The following DAP3 variants were observed in gnomAD, a reference collection of about 807,000 sequenced individuals.
DAP3 encodes the protein small ribosomal subunit protein mS29.
A neutral mutation model predicts 51.9 loss-of-function variants in DAP3; 28 were observed. The ratio of observed to expected loss-of-function variants is 0.54; its 90% CI spans 0.40 to 0.74. DAP3 has a LOEUF of 0.74. Among genes scored for constraint, DAP3 ranks in the 30% least tolerant of loss-of-function variants. The pLI is 0.00. For missense variants in DAP3, 458 were observed against 483.5 expected (o/e 0.95, Z 0.49); for synonymous variants, 170 against 170.3 (o/e 1.00, Z 0.01).
chr1:155,690,740 C>CT (rs1015807318), intron 1 of DAP3, among the ~76,000 whole-genome samples: 2 of 141,324 alleles, frequency 1.4e-5, no homozygotes, highest in Admixed American at 6.6e-5. Flanking sequence ...TAAATTTACA[C>CT]TTTTTTTTGT....
upstream of DAP3, chr1:155,688,164 C>T (rs1558322489): frequency 1.9e-6 from 3 of 1,613,994 alleles, no homozygotes; most frequent in African/African-American, 1.3e-5. Flanking sequence ...ACCGCGGATC[C>T]CTCCCGCTTG....
At chr1:155,737,989 A>G (rs1659980286) in intron 12 of DAP3, among the ~76,000 whole-genome samples, 168 bp from the exon 13 acceptor site, 2 of 152,202 alleles carry the variant, frequency 1.3e-5, no homozygotes, top group African/African-American at 4.8e-5. Flanking sequence ...AATGCATACA[A>G]AAGAAGAGTA....
chr1:155,727,024 T>C (rs912853193), intron 6 of DAP3: 3 of 148,776 alleles, frequency 2.0e-5, no homozygotes, highest in African/African-American at 7.9e-5. Context: ...CCATGGAGTT[T>C]TGTTTTGTTT....
chr1:155,696,207 T>C (rs150031359), intron 1 of DAP3, among the ~76,000 whole-genome samples: 162 of 152,260 alleles, frequency 1.1e-3, no homozygotes, highest in African/African-American at 3.1e-3. Flanking sequence ...ATAACCCTCA[T>C]TGAGGAGTGT....
intron 3 of DAP3, among the ~76,000 whole-genome samples, chr1:155,717,787 C>T (rs1168175516): frequency 6.6e-6 from 1 of 152,106 alleles, no homozygotes; most frequent in Non-Finnish European, 1.5e-5. Flanking sequence ...AGGGAACTAA[C>T]TTGGTTTGTT....
At chr1:155,707,962 G>GT (rs1353668628) in intron 1 of DAP3, among the ~76,000 whole-genome samples, 7 of 152,194 alleles carry the variant, frequency 4.6e-5, no homozygotes, top group Admixed American at 6.6e-5. Flanking sequence ...AGGGACATTA[G>GT]TTTTTTCTAC....
At chr1:155,706,837 A>T (rs1656049526) in intron 1 of DAP3, among the ~76,000 whole-genome samples, 1 of 151,378 alleles carries the variant, frequency 6.6e-6, no homozygotes, top group Non-Finnish European at 1.5e-5. Flanking sequence ...TCACACCTGT[A>T]ATCCCAGCGC....
chr1:155,727,532 T>TA, intron 6 of DAP3, 76 bp from the exon 7 acceptor site: 1 of 1,504,124 alleles, frequency 6.6e-7, no homozygotes, highest in Non-Finnish European at 8.9e-7. Flanking sequence ...TCCCATAACT[T>TA]AAAAGAGGCA....
rs1163297867 is a variant in DAP3 at position 155,710,818 on chromosome 1, G to T, written c.45+994G>T. On this transcript the variant is annotated intron_variant, in intron 2 of 12. Transcript: ENST00000368336. ...TCAAAGCCTGTGGCCTAACCACTGT[G>T]CTCTATTGCATTTTATGGTCCATGT... 2.0e-5 allele frequency among the ~76,000 whole-genome samples: 3 copies of T among 152,046 alleles called. No homozygotes were observed. In the East Asian group the frequency reaches 5.8e-4, roughly 29 times the overall value.
intron 1 of DAP3, among the ~76,000 whole-genome samples, chr1:155,692,332 T>C (rs948669718): frequency 7.1e-6 from 1 of 141,828 alleles, no homozygotes; most frequent in Non-Finnish European, 1.5e-5. Flanking sequence ...CATGTTTTTA[T>C]GGCCAGTTTA....
Position 155,727,511 on chromosome 1 carries a change from C to G in DAP3, c.473-97C>G. 4.5e-6 allele frequency: 5 copies of G among 1,117,200 alleles called. No individual in the cohort carries two copies. In the South Asian group the frequency reaches 9.2e-5, roughly 21 times the overall value. The allele number at this position is 1,117,200 out of a possible 1,614,324, so 69.2% of individuals were successfully genotyped here. A position where few individuals can be genotyped will look rare whatever the true frequency, so the allele number is the denominator to read the frequency against. On this transcript the variant is annotated intron_variant, in intron 6 of 12. Coordinates refer to ENST00000368336, the MANE Select transcript of DAP3 (RefSeq NM_004632.4). ...AGAAAAGAAATATATATATGAGAAA[C>G]TAAAGTCATTTCCCATAACTTAAAA... is the stretch of plus-strand genomic sequence containing the variant.
At chr1:155,705,821 C>A (rs1423794565) in intron 1 of DAP3, among the ~76,000 whole-genome samples, 1 of 152,026 alleles carries the variant, frequency 6.6e-6, no homozygotes, top group African/African-American at 2.4e-5. Context: ...CCGCCTCAGC[C>A]TCCTGAGTAG....
At chr1:155,723,030 A>G (rs1001220402) in intron 4 of DAP3, among the ~76,000 whole-genome samples, 1 of 151,248 alleles carries the variant, frequency 6.6e-6, no homozygotes, top group South Asian at 2.1e-4. Flanking sequence ...CTTCCTCACC[A>G]TTGTTTGTGG....
Position 155,706,466 on chromosome 1 carries a change from A to C in DAP3, c.-7-3307A>C, listed in dbSNP as rs1350002182. 1.3e-5 allele frequency among the ~76,000 whole-genome samples: 2 copies of C among 152,182 alleles called. 1 individual carries two copies. Among genetic ancestry groups the C allele is most frequent in the Admixed American group, 1.3e-4 (2 of 15,274 alleles). Reference sequence around the variant, plus strand: ...CTATGGTTGTTATTATTGTTGCTTTAAAGATTTGGGTTGTGAAAGGTGTGT... The same window carrying C: ...CTATGGTTGTTATTATTGTTGCTTTCAAGATTTGGGTTGTGAAAGGTGTGT... On this transcript the variant is annotated intron_variant, in intron 1 of 12. Coordinates refer to ENST00000368336, the MANE Select transcript of DAP3 (RefSeq NM_004632.4).
At chr1:155,714,138 A>G (rs185597574) in intron 2 of DAP3, among the ~76,000 whole-genome samples, 288 of 152,332 alleles carry the variant, frequency 1.9e-3, no homozygotes, top group Non-Finnish European at 2.3e-3. Flanking sequence ...TTATAAATGA[A>G]ATTACAAAGG....
chr1:155,693,052 A>G (rs1223208690), intron 1 of DAP3, among the ~76,000 whole-genome samples: 1 of 141,204 alleles, frequency 7.1e-6, no homozygotes, highest in Admixed American at 6.6e-5. Flanking sequence ...TCTGGTAAAC[A>G]CTCCCTTTAA....
intron 2 of DAP3, 85 bp downstream of exon 2, chr1:155,709,909 G>GATAC: frequency 1.5e-6 from 2 of 1,362,724 alleles, no homozygotes; most frequent in African/African-American, 1.4e-5. Context: ...ATTGTATCTA[G>GATAC]AGTGAAATGC....
intron 2 of DAP3, among the ~76,000 whole-genome samples, chr1:155,714,345 G>A (rs1361712029): frequency 3.9e-5 from 6 of 152,156 alleles, no homozygotes; most frequent in South Asian, 2.1e-4. Context: ...GACTACAGGA[G>A]TGGACCACCA....
intron 4 of DAP3, among the ~76,000 whole-genome samples, chr1:155,724,171 T>A (rs188775451): frequency 1.1e-4 from 16 of 152,294 alleles, no homozygotes; most frequent in African/African-American, 3.8e-4. Flanking sequence ...CTTCCCAAAT[T>A]TCCCACCAAA....
Sources: gnomAD v4.1 joint callset for allele counts (sites outside exome capture counted in the v4.1 genomes callset) on GRCh38, gnomAD v4.1.1 for gene constraint, MANE v1.5 for transcripts, NCBI Gene and HGNC (gene_info 2026-07-23, HGNC 2026-07-21) for gene names.